DOP1B: variants seen among roughly 807,000 people sequenced by gnomAD.
DOP1B encodes protein DOP1B.
In DOP1B, 174 loss-of-function variants were observed where a neutral mutation model predicts 233.5. The ratio of observed to expected loss-of-function variants is 0.75; its 90% CI spans 0.66 to 0.85. DOP1B has a LOEUF of 0.85. Among genes scored for constraint, DOP1B ranks in the 40% least tolerant of loss-of-function variants. The pLI, the probability that DOP1B is intolerant of heterozygous loss-of-function variation, is 0.00. For missense variants in DOP1B, 2,652 were observed against 2,846.6 expected, an observed-to-expected ratio of 0.93 and a Z score of 1.56; for synonymous variants, 1,190 against 1,185.6, an observed-to-expected ratio of 1.00 and a Z score of -0.08.
rs376461987 is a variant in DOP1B at position 36,157,366 on chromosome 21, A to G, written c.-27+423A>G. Reference sequence around the variant, plus strand: ...TTTGCTGGTGCCCTGGCTGGGGAGGAGGCTGGGGACGCAGACCTGTGAGAA... The same window carrying G: ...TTTGCTGGTGCCCTGGCTGGGGAGGGGGCTGGGGACGCAGACCTGTGAGAA... On this transcript the variant is annotated intron_variant, in intron 1 of 36. Coordinates refer to ENST00000691173, the MANE Select transcript of DOP1B (RefSeq NM_001320714.2). Among the ~76,000 whole-genome samples, 118 of 152,156 alleles carry G rather than the reference A, an allele frequency of 7.8e-4. 1 individual carries two copies. The highest frequency in any genetic ancestry group is 2.7e-3 in the African/African-American group (114 of 41,524).
chr21:36,175,810 GA>G (rs1184796413), intron 2 of DOP1B: 4 of 152,258 alleles, frequency 2.6e-5, no homozygotes, highest in African/African-American at 9.7e-5. Context: ...AGAAAGAAAA[GA>G]AAAAGAAAAA....
chr21:36,239,313 A>C (rs2066864864), intron 17 of DOP1B, among the ~76,000 whole-genome samples: 1 of 152,210 alleles, frequency 6.6e-6, no homozygotes, highest in Non-Finnish European at 1.5e-5. Context: ...CAGGGAGGTC[A>C]GATGGCCTAG....
chr21:36,214,686 T>A, intron 9 of DOP1B, 130 bp downstream of exon 9: 2 of 869,650 alleles, frequency 2.3e-6, no homozygotes, highest in South Asian at 1.6e-5. Flanking sequence ...TTCACAACTT[T>A]GAAGTCATGT....
intron 4 of DOP1B, among the ~76,000 whole-genome samples, chr21:36,206,929 C>A (rs1433697141): frequency 6.6e-6 from 1 of 152,050 alleles, no homozygotes; most frequent in East Asian, 1.9e-4. Context: ...TTATTTCCTG[C>A]AATATTTTAC....
chr21:36,159,249 C>A (rs529794522), intron 1 of DOP1B, among the ~76,000 whole-genome samples: 9 of 152,066 alleles, frequency 5.9e-5, no homozygotes, highest in Non-Finnish European at 7.4e-5. Flanking sequence ...GTTGGGTGTT[C>A]GAGACCAGGC....
At chr21:36,253,998 G>T in intron 23 of DOP1B, 89 bp downstream of exon 23, 1 of 1,478,958 alleles carries the variant, frequency 6.8e-7, no homozygotes, top group South Asian at 1.3e-5. Flanking sequence ...GTGTTTGGGA[G>T]GGAAGGATAG....
rs141567884 is a variant in DOP1B, at chr21:36,185,982, C to T, written c.139-13088C>T. 9.8e-3 allele frequency among the ~76,000 whole-genome samples: 1,486 copies of T among 152,254 alleles called. 23 individuals carry two copies. The highest frequency in any genetic ancestry group is 0.033 in the African/African-American group (1,368 of 41,540). ...CTTTGGGTGGCCAAGGCAGGTGGAT[C>T]ACTTGAGGTCAGGAGTTTGAGACCA... On this transcript the variant is annotated intron_variant, in intron 2 of 36. Transcript: ENST00000691173.
chr21:36,273,891 T>C (rs979528087), intron 27 of DOP1B, among the ~76,000 whole-genome samples: 6 of 151,878 alleles, frequency 4.0e-5, no homozygotes, highest in Non-Finnish European at 7.4e-5. Flanking sequence ...CTGGCTAACA[T>C]GGTGAAACCC....
chr21:36,246,177 G>A lies in DOP1B; in HGVS notation c.4197G>A (p.Gln1399=). 6.2e-7 allele frequency: 1 copy of A among 1,613,766 alleles called. No homozygotes were observed. Residue 1399 remains glutamine (Q), a synonymous_variant, in exon 19 of 37, where the codon CAG becomes CAA. Coordinates refer to ENST00000691173, the MANE Select transcript of DOP1B (RefSeq NM_001320714.2). The surrounding 1 kb of genome is among the most constrained non-coding windows in gnomAD (Gnocchi z 5.1). ...LSLSASMYTS[Q]KRYGLATAHH... is the part of the protein sequence containing the mutation. ...TGTCGGCGTCCATGTACACGAGCCA[G>A]AAGCGCTACGGGCTGGCCACCGCCC...
At chr21:36,193,751 G>A (rs545500374) in intron 2 of DOP1B, among the ~76,000 whole-genome samples, 8 of 152,154 alleles carry the variant, frequency 5.3e-5, no homozygotes, top group Admixed American at 6.5e-5. Context: ...CGGGGAGCCC[G>A]AGTGGGAACC....
At position 36,175,044 on chromosome 21, in the gene DOP1B, G is replaced by A. The variant is rs527865835; in HGVS notation, c.138+10173G>A. Among the ~76,000 whole-genome samples the A allele has an allele frequency of 4.6e-5, 7 of 152,212 alleles. No individual in the cohort carries two copies. In the South Asian group the frequency reaches 1.2e-3, roughly 27 times the overall value. On this transcript the variant is annotated intron_variant, in intron 2 of 36. Transcript: ENST00000691173. ...AGGCCTCGCTGCCTGGCTTGGAGAT[G>A]GTGTCTTCTCCCTGGGTCCTCACAG...
chr21:36,243,276 G>A (rs184156806), intron 18 of DOP1B, among the ~76,000 whole-genome samples: 20 of 151,770 alleles, frequency 1.3e-4, no homozygotes, highest in African/African-American at 2.4e-4. Flanking sequence ...TACCATGCCC[G>A]GCTCATGGCA....
chr21:36,170,569 C>T (rs559868584), intron 2 of DOP1B: 2 of 151,624 alleles, frequency 1.3e-5, no homozygotes, highest in African/African-American at 4.8e-5. Flanking sequence ...GCACTCTAGC[C>T]TGGGTGACAG....
chr21:36,171,577 A>G (rs1306588240), intron 2 of DOP1B, among the ~76,000 whole-genome samples: 1 of 152,194 alleles, frequency 6.6e-6, no homozygotes, highest in East Asian at 1.9e-4. Context: ...CCATGTGAGG[A>G]TGAAGGCAGA....
intron 2 of DOP1B, among the ~76,000 whole-genome samples, chr21:36,173,631 G>A (rs2065993587): frequency 6.6e-6 from 1 of 151,860 alleles, no homozygotes; most frequent in South Asian, 2.1e-4. Context: ...CACCGTGTTA[G>A]CCAGGATAGT....
In DOP1B at chr21:36,230,873, T is replaced by C. The variant is rs1367131673; in HGVS notation, c.2089T>C (p.Ser697Pro). Residue 697 changes from serine (S) to proline (P), a missense_variant, in exon 14 of 37, where the codon TCA becomes CCA. By Grantham distance (74) the Ser-to-Pro change is moderately conservative. Around this residue, in one of 3 missense-constraint regions of DOP1B, gnomAD observed 2,617 missense variants for 2,794.3 expected, o/e 0.94. Transcript: ENST00000691173. ...ITVPQFKQML[S>P]DLFTARGSPF... Reference sequence around the variant, plus strand: ...TGTGCCTCAGTTCAAGCAGATGCTGTCAGACTTGTTCACAGCACGAGGGTC... The same window carrying C: ...TGTGCCTCAGTTCAAGCAGATGCTGCCAGACTTGTTCACAGCACGAGGGTC... 1 of 1,613,992 alleles carries C rather than the reference T, an allele frequency of 6.2e-7. No individual in the cohort carries two copies. Among genetic ancestry groups the C allele is most frequent in the African/African-American group, 1.3e-5 (1 of 74,920 alleles).
chr21:36,277,152 A>T, intron 28 of DOP1B, 52 bp downstream of exon 28: 1 of 1,582,318 alleles, frequency 6.3e-7, no homozygotes, highest in Admixed American at 1.7e-5. Flanking sequence ...GCCATCACGA[A>T]TTGTTGCAAA....
At position 36,214,233 on chromosome 21, in the gene DOP1B, G is replaced by C. The variant is rs370932867; in HGVS notation, c.1014+43G>C. 22 of 1,517,614 alleles carry C rather than the reference G, an allele frequency of 1.4e-5. No homozygotes were observed. In the Admixed American group the frequency reaches 3.9e-4, roughly 27 times the overall value. The allele number at this position is 1,517,614 out of a possible 1,614,324, so 94.0% of individuals were successfully genotyped here. A position where few individuals can be genotyped will look rare whatever the true frequency, so the allele number is the denominator to read the frequency against. ...GAAAGTTCAGGGTATCCTTGGTGAC[G>C]ATTCTCCAGTGGATTTCTTTGGGAG... On this transcript the variant is annotated intron_variant, in intron 8 of 36. Coordinates refer to ENST00000691173, the MANE Select transcript of DOP1B (RefSeq NM_001320714.2).
In DOP1B at chr21:36,175,196, C is replaced by T. The variant is rs2066009862; in HGVS notation, c.138+10325C>T. Among the ~76,000 whole-genome samples the T allele has an allele frequency of 2.6e-5, 4 of 151,616 alleles. No individual in the cohort carries two copies. The South Asian group carries it at 6.3e-4, about 24-fold the overall frequency. ...CACGATCTTGGCTCACTGCAACCTT[C>T]ACCTCCCAGATTCAAGCGATTCTTC... On this transcript the variant is annotated intron_variant, in intron 2 of 36. Transcript: ENST00000691173.
Sources: gnomAD v4.1 joint callset for allele counts (sites outside exome capture counted in the v4.1 genomes callset) on GRCh38, gnomAD v4.1.1 for gene constraint, gnomAD v4.1.1 regional missense constraint, Gnocchi (gnomAD v3.1) non-coding constraint, MANE v1.5 for transcripts, NCBI Gene and HGNC (gene_info 2026-07-23, HGNC 2026-07-21) for gene names.